Variants in DOP1A observed in about 807,000 individuals in gnomAD.
The protein encoded by DOP1A is DOP1 leucine zipper like protein A.
In DOP1A, 90 loss-of-function variants were observed where a neutral mutation model predicts 267.6. The observed-to-expected ratio is 0.34, with a 90% CI of 0.28 to 0.40. The LOEUF is 0.40. DOP1A is among the 10% of genes least tolerant of loss of function. The pLI is 1.00. For synonymous variants in DOP1A, 932 were observed against 999.1 expected (o/e 0.93, Z 1.27); for missense variants, 2,437 against 2,900.4 (o/e 0.84, Z 3.67).
intron 3 of DOP1A, among the ~76,000 whole-genome samples, chr6:83,099,090 T>C (rs1772047550): frequency 1.3e-5 from 2 of 152,032 alleles, no homozygotes; most frequent in Non-Finnish European, 2.9e-5. Context: ...AGAAATTGTT[T>C]TCTGAGGCCT....
chr6:83,125,223 A>T (rs1414367975), intron 14 of DOP1A, 28 bp downstream of exon 14: 1 of 1,552,724 alleles, frequency 6.4e-7, no homozygotes, highest in Non-Finnish European at 8.6e-7. Flanking sequence ...TTTTGTTTTT[A>T]AATGATTCTA....
chr6:83,125,833 G>C, intron 15 of DOP1A, 100 bp downstream of exon 15: 3 of 1,059,726 alleles, frequency 2.8e-6, no homozygotes, highest in Non-Finnish European at 4.1e-6. Context: ...TTAAATAATA[G>C]TGAGTCTTTC....
intron 38 of DOP1A, chr6:83,166,252 T>A (rs1785525956): frequency 1.9e-6 from 1 of 527,350 alleles, no homozygotes; most frequent in African/African-American, 1.9e-5. Flanking sequence ...ATTGAGTTCT[T>A]GGGCAGCTCT....
At chr6:83,078,785 G>A (rs1767578777) in intron 1 of DOP1A, among the ~76,000 whole-genome samples, 1 of 152,124 alleles carries the variant, frequency 6.6e-6, no homozygotes, top group African/African-American at 2.4e-5. Context: ...CAATAATTAA[G>A]CAATACCTTA....
chr6:83,106,601 G>A (rs866280039), intron 4 of DOP1A, among the ~76,000 whole-genome samples: 1 of 152,128 alleles, frequency 6.6e-6, no homozygotes, highest in Admixed American at 6.5e-5. Flanking sequence ...CCTGAGGTCA[G>A]GAGTTCAAGA....
intron 18 of DOP1A, among the ~76,000 whole-genome samples, chr6:83,133,923 ATTAC>A (rs961899638): frequency 2.0e-5 from 3 of 152,222 alleles, no homozygotes; most frequent in African/African-American, 7.2e-5. Flanking sequence ...TAGTAAACTA[ATTAC>A]TTAAAGTCTG....
chr6:83,162,515 C>T (rs987539219), intron 37 of DOP1A, among the ~76,000 whole-genome samples: 7 of 152,100 alleles, frequency 4.6e-5, no homozygotes, highest in Non-Finnish European at 8.8e-5. Flanking sequence ...TGAGTACTTG[C>T]TTTGGACTCA....
intron 37 of DOP1A, among the ~76,000 whole-genome samples, chr6:83,160,671 A>T (rs1784011545): frequency 6.6e-6 from 1 of 152,208 alleles, no homozygotes; most frequent in Non-Finnish European, 1.5e-5. Context: ...AAAAGCATAT[A>T]TAAATTTTAA....
intron 4 of DOP1A, among the ~76,000 whole-genome samples, chr6:83,101,199 G>T (rs1376826610): frequency 6.6e-6 from 1 of 152,082 alleles, no homozygotes; most frequent in Admixed American, 6.5e-5. Flanking sequence ...TGTATTTTTA[G>T]TAGAGACGGG....
At chr6:83,100,151 G>C (rs1222016479) in intron 3 of DOP1A, among the ~76,000 whole-genome samples, 1 of 152,068 alleles carries the variant, frequency 6.6e-6, no homozygotes, top group African/African-American at 2.4e-5. Context: ...ACAAAAAGTT[G>C]TTTTGTCCAG....
intron 38 of DOP1A, chr6:83,166,957 G>T (rs1332056867): frequency 4.1e-6 from 4 of 986,056 alleles, no homozygotes; most frequent in Non-Finnish European, 4.8e-6. Flanking sequence ...GTGTGGAATT[G>T]TATCTGTGAT....
At chr6:83,069,707 A>G (rs1212335395) in intron 1 of DOP1A, among the ~76,000 whole-genome samples, 1 of 152,144 alleles carries the variant, frequency 6.6e-6, no homozygotes, top group Non-Finnish European at 1.5e-5. Flanking sequence ...GACTTATCTT[A>G]TTCTTTCTGG....
chr6:83,133,903 T>C (rs1778471039), intron 18 of DOP1A, among the ~76,000 whole-genome samples: 1 of 152,116 alleles, frequency 6.6e-6, no homozygotes, highest in African/African-American at 2.4e-5. Flanking sequence ...TCTCCTGTTA[T>C]ACAATAATAT....
chr6:83,081,031 A>G (rs1408399694), intron 1 of DOP1A, among the ~76,000 whole-genome samples: 1 of 152,228 alleles, frequency 6.6e-6, no homozygotes, highest in African/African-American at 2.4e-5. Flanking sequence ...AACCAAAATA[A>G]CATGGAACTG....
At chr6:83,121,896 T>A (rs1467587421) in intron 10 of DOP1A, 34 bp from the exon 11 acceptor site, 9 of 1,581,878 alleles carry the variant, frequency 5.7e-6, no homozygotes, top group Non-Finnish European at 6.9e-6. Context: ...TCATGCTGAT[T>A]AATTACTGTC....
rs1406008728 is a variant in DOP1A, at chr6:83,121,919, A to G, written c.1100-11A>G. The G allele has an allele frequency of 6.3e-7, 1 of 1,589,908 alleles. No homozygotes were observed. The highest frequency in any genetic ancestry group is 8.6e-7 in the Non-Finnish European group (1 of 1,166,804). ...ATTAATTACTGTCTTTAATTTGAAT[A>G]TTAATTTTAGGACCTGTAATTCTAG... is the stretch of plus-strand genomic sequence containing the variant. On this transcript the variant is annotated splice_polypyrimidine_tract_variant and intron_variant, in intron 10 of 38. Coordinates refer to ENST00000349129, the MANE Select transcript of DOP1A (RefSeq NM_015018.4).
chr6:83,140,134 CT>C, intron 22 of DOP1A, 23 bp downstream of exon 22: 1 of 1,606,386 alleles, frequency 6.2e-7, no homozygotes, highest in Non-Finnish European at 8.5e-7. Flanking sequence ...AAATATTTGA[CT>C]TCTTTTGAAA....
chr6:83,139,721 T>TA (rs1158986885), intron 21 of DOP1A, among the ~76,000 whole-genome samples: 2 of 152,152 alleles, frequency 1.3e-5, no homozygotes, highest in South Asian at 2.1e-4. Context: ...TTAATATTAA[T>TA]ATGCCTGCCA....
At chr6:83,161,266 C>T (rs568867759) in intron 37 of DOP1A, 3 of 151,938 alleles carry the variant, frequency 2.0e-5, no homozygotes, top group South Asian at 2.1e-4. Flanking sequence ...GGAAACATGC[C>T]GTTATATTAA....
Sources: gnomAD v4.1 joint callset for allele counts (sites outside exome capture counted in the v4.1 genomes callset) on GRCh38, gnomAD v4.1.1 for gene constraint, MANE v1.5 for transcripts, NCBI Gene and HGNC (gene_info 2026-07-23, HGNC 2026-07-21) for gene names.